HDDC2: variants seen among roughly 807,000 people sequenced by gnomAD.
The protein encoded by HDDC2 is HD domain containing 2.
A neutral mutation model predicts 25.5 loss-of-function variants in HDDC2; 25 were observed. That is an observed-to-expected ratio of 0.98 (90% confidence interval 0.72 to 1.37). HDDC2 has a LOEUF of 1.37. Ranked by LOEUF, HDDC2 falls within the 40% of genes most tolerant of loss-of-function variation. HDDC2 has a pLI of 0.00. For missense variants in HDDC2, 264 were observed against 253.1 expected (o/e 1.04, Z -0.29); for synonymous variants, 106 against 89.7 (o/e 1.18, Z -1.03).
In HDDC2 at chr6:125,298,797, C is replaced by A; in HGVS notation, c.226G>T (p.Val76Phe). The A allele has an allele frequency of 6.2e-7, 1 of 1,613,918 alleles. No homozygotes were observed. Among genetic ancestry groups the A allele is most frequent in the Admixed American group, 1.7e-5 (1 of 60,020 alleles). ...NKDRCVRLAL[V>F]HDMAECIVGD... ...ACGATGCATTCTGCCATATCATGAA[C>A]CAGGGCTAGGCGTACACATCTGATC... The change falls in exon 3 of 6, where the codon GTT becomes TTT. Residue 76 changes from valine (V) to phenylalanine (F), a missense_variant. Coordinates refer to ENST00000398153, the MANE Select transcript of HDDC2 (RefSeq NM_016063.3).
chr6:125,277,333 C>T (rs1798385334), intron 4 of HDDC2, 93 bp from the exon 5 acceptor site: 3 of 1,175,134 alleles, frequency 2.6e-6, no homozygotes, highest in South Asian at 1.4e-5. Flanking sequence ...ATCAGAGTGA[C>T]AGCTACAAGT....
chr6:125,299,992 T>C (rs1286025336), intron 2 of HDDC2, among the ~76,000 whole-genome samples: 2 of 152,216 alleles, frequency 1.3e-5, no homozygotes, highest in African/African-American at 4.8e-5. Flanking sequence ...TTTTCGACCA[T>C]AACTTACATT....
intron 1 of HDDC2, among the ~76,000 whole-genome samples, chr6:125,301,185 C>T (rs1798796074): frequency 6.6e-6 from 1 of 152,152 alleles, no homozygotes; most frequent in East Asian, 1.9e-4. Flanking sequence ...CCTCAGAATT[C>T]TACATCTCTA....
chr6:125,276,132 AT>A lies in HDDC2; in HGVS notation c.*13del, dbSNP rs1425207098. ...TAATGTTTGTTACAGGAGTGCAGCA[AT>A]TTAGAGAGTGTCTCAGGAGTGTGGC... On this transcript the variant is annotated 3_prime_UTR_variant, in exon 6 of 6. Transcript: ENST00000398153. 1 of 1,572,842 alleles carries A rather than the reference AT, an allele frequency of 6.4e-7. No individual in the cohort carries two copies. The highest frequency in any genetic ancestry group is 8.8e-7 in the Non-Finnish European group (1 of 1,142,202).
At chr6:125,280,523 G>A (rs1201292796) in intron 4 of HDDC2, among the ~76,000 whole-genome samples, 1 of 152,224 alleles carries the variant, frequency 6.6e-6, no homozygotes, top group Admixed American at 6.5e-5. Context: ...GCAGTGTGAA[G>A]TCAACCTGGG....
chr6:125,286,779 A>C (rs1339263922), intron 4 of HDDC2, among the ~76,000 whole-genome samples: 2 of 152,230 alleles, frequency 1.3e-5, no homozygotes. Flanking sequence ...GCTATCGAAG[A>C]AGCATATTTA....
chr6:125,293,466 A>G (rs1453912255), intron 3 of HDDC2, among the ~76,000 whole-genome samples: 3 of 152,222 alleles, frequency 2.0e-5, no homozygotes, highest in South Asian at 4.1e-4. Flanking sequence ...GTAGGCTCAC[A>G]GACTCACAGG....
At position 125,280,833 on chromosome 6, in the gene HDDC2, C is replaced by G. The variant is rs116361369; in HGVS notation, c.379-3593G>C. On this transcript the variant is annotated intron_variant, in intron 4 of 5. Transcript: ENST00000398153. Reference sequence around the variant, plus strand: ...TCCTGCCTGCCGGCTCTGAAGACAGCAGCAGATCTCCTAGCACAGTGCTCA... The same window carrying G: ...TCCTGCCTGCCGGCTCTGAAGACAGGAGCAGATCTCCTAGCACAGTGCTCA... 5.6e-3 allele frequency among the ~76,000 whole-genome samples: 852 copies of G among 152,354 alleles called. 11 individuals are homozygous for G. Among genetic ancestry groups the G allele is most frequent in the African/African-American group, 0.019 (796 of 41,584 alleles).
chr6:125,295,869 A>G (rs1331998875), intron 3 of HDDC2, among the ~76,000 whole-genome samples: 4 of 152,150 alleles, frequency 2.6e-5, no homozygotes, highest in Admixed American at 6.5e-5. Context: ...CTTATCAGAC[A>G]TCATTTATCA....
chr6:125,276,112 T>C lies in HDDC2; in HGVS notation c.*34A>G. 1 of 1,395,936 alleles carries C rather than the reference T, an allele frequency of 7.2e-7. No individual in the cohort carries two copies. The highest frequency in any genetic ancestry group is 2.3e-5 in the East Asian group (1 of 43,868). 86.5% of individuals were successfully genotyped at this position (1,395,936 alleles called of 1,614,324 possible). A position where few individuals can be genotyped will look rare whatever the true frequency, so the allele number is the denominator to read the frequency against. On this transcript the variant is annotated 3_prime_UTR_variant, in exon 6 of 6. Transcript: ENST00000398153. ...AATACAATGAAATGGAAAAATAATG[T>C]TTGTTACAGGAGTGCAGCAATTTAG...
chr6:125,283,101 G>A (rs760460554), intron 4 of HDDC2, among the ~76,000 whole-genome samples: 10 of 152,082 alleles, frequency 6.6e-5, no homozygotes, highest in Admixed American at 1.3e-4. Flanking sequence ...AAAGGCCTTC[G>A]ATAAAATTCA....
intron 1 of HDDC2, 60 bp from the exon 2 acceptor site, chr6:125,300,719 C>A: frequency 6.5e-7 from 1 of 1,529,760 alleles, no homozygotes; most frequent in Non-Finnish European, 8.9e-7. Context: ...ATCTGCTATG[C>A]TCTTCAAGAG....
intron 4 of HDDC2, among the ~76,000 whole-genome samples, chr6:125,280,033 G>C (rs1159290088): frequency 6.6e-6 from 1 of 152,134 alleles, no homozygotes; most frequent in Non-Finnish European, 1.5e-5. Flanking sequence ...TTTCCAACTG[G>C]GGTATCCGGT....
chr6:125,294,815 G>C (rs970176933), intron 3 of HDDC2, among the ~76,000 whole-genome samples: 17 of 152,140 alleles, frequency 1.1e-4, no homozygotes, highest in African/African-American at 4.1e-4. Flanking sequence ...TCCTTTAAGT[G>C]CAGTGTAAGA....
chr6:125,286,103 T>A (rs1441660900), intron 4 of HDDC2, among the ~76,000 whole-genome samples: 1 of 152,180 alleles, frequency 6.6e-6, no homozygotes, highest in Non-Finnish European at 1.5e-5. Flanking sequence ...ACAGAGAAAC[T>A]ATTAATAACA....
chr6:125,283,062 A>C (rs979843569), intron 4 of HDDC2, among the ~76,000 whole-genome samples: 6 of 152,218 alleles, frequency 3.9e-5, no homozygotes, highest in African/African-American at 1.4e-4. Flanking sequence ...CAATGACAAA[A>C]ATCACATGAT....
chr6:125,301,900 G>A lies in HDDC2; in HGVS notation c.33C>T (p.Gly11=). 1 of 1,552,042 alleles carries A rather than the reference G, an allele frequency of 6.4e-7. No individual in the cohort carries two copies. The change falls in exon 1 of 6, where the codon GGC becomes GGT. Residue 11 remains glycine, a synonymous_variant. Coordinates refer to ENST00000398153, the MANE Select transcript of HDDC2 (RefSeq NM_016063.3). ...ACTGCAGTAGGGACCGAGCCCCGTG[G>A]CCCGAGAAGGTCGCAGAGGAGACCG... The part of the protein sequence containing the change: MASVSSATFS[G]HGARSLLQFL...
intron 4 of HDDC2, among the ~76,000 whole-genome samples, chr6:125,282,270 C>T (rs1035128225): frequency 6.6e-6 from 1 of 150,896 alleles, no homozygotes; most frequent in Admixed American, 6.6e-5. Flanking sequence ...TGCTGGAACC[C>T]GGGAAGCGGA....
chr6:125,298,779 A>G lies in HDDC2; in HGVS notation c.244T>C (p.Cys82Arg), dbSNP rs765173473. 1 of 1,614,132 alleles carries G rather than the reference A, an allele frequency of 6.2e-7. No homozygotes were observed. Among genetic ancestry groups the G allele is most frequent in the Non-Finnish European group, 8.5e-7 (1 of 1,180,020 alleles). The change falls in exon 3 of 6, where the codon TGC (cysteine) becomes CGC (arginine). Residue 82 changes from cysteine (C) to arginine (R), a missense_variant. Cys to Arg is a radical substitution (Grantham distance 180). Transcript: ENST00000398153. ...RLALVHDMAE[C>R]IVGDIAPADN... The stretch of plus-strand genomic sequence containing the variant: ...GCTGGTGCTATGTCCCCAACGATGC[A>G]TTCTGCCATATCATGAACCAGGGCT...
Sources: allele counts gnomAD v4.1 joint callset (sites outside exome capture counted in the v4.1 genomes callset), GRCh38; gene constraint gnomAD v4.1.1; transcripts MANE v1.5; gene names NCBI Gene and HGNC (gene_info 2026-07-23, HGNC 2026-07-21).